The following LRMDA variants were observed in gnomAD, a reference collection of about 807,000 sequenced individuals.
LRMDA encodes the protein leucine rich melanocyte differentiation associated, also known as leucine-rich melanocyte differentiation-associated protein.
In LRMDA, 18 loss-of-function variants were observed where a neutral mutation model predicts 29.8. The observed-to-expected ratio is 0.60, with a 90% CI of 0.42 to 0.90. The LOEUF (loss-of-function observed/expected upper bound fraction) is 0.90. Ranked by LOEUF, LRMDA falls within the 40% of genes least tolerant of loss-of-function variation. The pLI, the probability that LRMDA is intolerant of heterozygous loss-of-function variation, is 0.00. For synonymous variants in LRMDA, 125 were observed against 109.4 expected (o/e 1.14, Z -0.89); for missense variants, 273 against 273.9 (o/e 1.00, Z 0.02).
At chr10:76,087,191 CGTT>C (rs766727127) in intron 5 of LRMDA, among the ~76,000 whole-genome samples, 22 of 152,076 alleles carry the variant, frequency 1.4e-4, no homozygotes, top group African/African-American at 2.9e-4. Context: ...GGGGTAGTCT[CGTT>C]GTAGCAGGGA....
At chr10:75,739,294 C>G (rs969276763) in intron 2 of LRMDA, among the ~76,000 whole-genome samples, 5 of 152,170 alleles carry the variant, frequency 3.3e-5, no homozygotes, top group African/African-American at 1.2e-4. Context: ...AAACCCAGGC[C>G]CAGAGATTGG....
intron 6 of LRMDA, among the ~76,000 whole-genome samples, chr10:76,415,617 T>C (rs914612285): frequency 8.1e-6 from 1 of 123,434 alleles, no homozygotes; most frequent in African/African-American, 2.6e-5. Context: ...TGTGTGTGTG[T>C]GTGTGCGTGT....
At chr10:75,806,809 C>CAA (rs56657815) in intron 2 of LRMDA, among the ~76,000 whole-genome samples, 1,821 of 77,224 alleles carry the variant, frequency 0.024, 38 homozygotes, top group South Asian at 0.058. Flanking sequence ...CTGGAAATTG[C>CAA]AAAAAAAAAA....
chr10:75,994,713 T>G (rs887879343), intron 2 of LRMDA, among the ~76,000 whole-genome samples: 6 of 152,194 alleles, frequency 3.9e-5, no homozygotes, highest in Non-Finnish European at 5.9e-5. Flanking sequence ...AGTCACCGTG[T>G]TTTTTATATA....
At chr10:75,609,719 T>C (rs1841003977) in intron 2 of LRMDA, among the ~76,000 whole-genome samples, 2 of 152,164 alleles carry the variant, frequency 1.3e-5, no homozygotes, top group Non-Finnish European at 2.9e-5. Flanking sequence ...AGTCTTGCAA[T>C]TACAGAGCAT....
chr10:76,242,914 T>C (rs2132287047), intron 5 of LRMDA, among the ~76,000 whole-genome samples: 1 of 152,320 alleles, frequency 6.6e-6, no homozygotes, highest in South Asian at 2.1e-4. Flanking sequence ...AGATATGAGA[T>C]GCTATGTAGT....
rs1181509366 is a variant in LRMDA, at chr10:76,558,977, C to T, written c.*1689C>T. The T allele has an allele frequency of 6.6e-6, 1 of 152,178 alleles. No individual in the cohort carries two copies. Among genetic ancestry groups the T allele is most frequent in the Non-Finnish European group, 1.5e-5 (1 of 68,022 alleles). The allele number at this position is 152,178 out of a possible 1,614,324, so 9.4% of individuals were successfully genotyped here. The stretch of plus-strand genomic sequence containing the variant: ...GTAACTGGATTTGAGTACCTTTTCT[C>T]TGTTTGATCTACAAAACAGCACTGG... On this transcript the variant is annotated 3_prime_UTR_variant, in exon 7 of 7. Transcript: ENST00000611255.
intron 5 of LRMDA, among the ~76,000 whole-genome samples, chr10:76,119,145 C>T (rs1456747752): frequency 1.3e-5 from 2 of 151,414 alleles, no homozygotes; most frequent in African/African-American, 4.9e-5. Context: ...CTTAGCCTGT[C>T]CTGTGTTTGA....
At chr10:75,581,905 T>C (rs1840598045) in intron 2 of LRMDA, among the ~76,000 whole-genome samples, 1 of 152,102 alleles carries the variant, frequency 6.6e-6, no homozygotes, top group South Asian at 2.1e-4. Context: ...GCACATTCTG[T>C]ACATGTACCC....
At chr10:75,510,110 C>G (rs1201914818) in intron 2 of LRMDA, among the ~76,000 whole-genome samples, 1 of 152,198 alleles carries the variant, frequency 6.6e-6, no homozygotes, top group Admixed American at 6.5e-5. Context: ...TTGCATTTCC[C>G]TTTACTTTTG....
intron 6 of LRMDA, among the ~76,000 whole-genome samples, chr10:76,399,186 A>G (rs949847615): frequency 1.3e-5 from 2 of 152,206 alleles, no homozygotes; most frequent in Non-Finnish European, 2.9e-5. Flanking sequence ...TGAAAATACT[A>G]AGAAACAATA....
At chr10:76,249,606 A>C (rs1330339830) in intron 5 of LRMDA, among the ~76,000 whole-genome samples, 2 of 152,200 alleles carry the variant, frequency 1.3e-5, no homozygotes, top group Non-Finnish European at 2.9e-5. Context: ...TGGAAGGAAA[A>C]TATTCACCTT....
At chr10:76,045,996 T>A (rs1041904334) in intron 3 of LRMDA, among the ~76,000 whole-genome samples, 2 of 152,222 alleles carry the variant, frequency 1.3e-5, no homozygotes, top group Non-Finnish European at 2.9e-5. Context: ...TCTCCTAGGT[T>A]CAAGTGGACC....
intron 2 of LRMDA, among the ~76,000 whole-genome samples, chr10:75,701,282 G>A (rs1232562988): frequency 6.6e-6 from 1 of 152,206 alleles, no homozygotes; most frequent in African/African-American, 2.4e-5. Flanking sequence ...CTTCCCTACA[G>A]GGAGTATTGG....
In LRMDA at chr10:75,605,055, C is replaced by A. The variant is rs556160211; in HGVS notation, c.131+166561C>A. 8.5e-5 allele frequency among the ~76,000 whole-genome samples: 13 copies of A among 152,236 alleles called. No homozygotes were observed. In the East Asian group the frequency reaches 9.7e-4, roughly 11 times the overall value. ...TTTGACAAGTAGAAAAGGAGAAATT[C>A]ATTGGGACAACTTGCTTAGTTTCAA... is the stretch of plus-strand genomic sequence containing the variant. On this transcript the variant is annotated intron_variant, in intron 2 of 6. Coordinates refer to ENST00000611255, the MANE Select transcript of LRMDA (RefSeq NM_001305581.2).
At chr10:75,431,842 A>G in intron 1 of LRMDA, 88 bp downstream of exon 1, 1 of 1,201,758 alleles carries the variant, frequency 8.3e-7, no homozygotes, top group Non-Finnish European at 1.1e-6. Context: ...GGGCCTAGAC[A>G]CCCCTGTCCC....
chr10:76,439,274 A>C (rs1302354816), intron 6 of LRMDA, among the ~76,000 whole-genome samples: 1 of 152,156 alleles, frequency 6.6e-6, no homozygotes, highest in Admixed American at 6.5e-5. Flanking sequence ...ATTTCAGGGA[A>C]GGTTTTATGA....
At chr10:76,070,255 G>C (rs554276743) in intron 5 of LRMDA, among the ~76,000 whole-genome samples, 4 of 152,320 alleles carry the variant, frequency 2.6e-5, no homozygotes, top group African/African-American at 7.2e-5. Flanking sequence ...ATTTTGGCTT[G>C]AGATGCTGGG....
At chr10:75,760,045 T>C (rs1261596542) in intron 2 of LRMDA, among the ~76,000 whole-genome samples, 1 of 152,218 alleles carries the variant, frequency 6.6e-6, no homozygotes, top group Non-Finnish European at 1.5e-5. Context: ...AAAGATGTAG[T>C]AAACAGTTGA....
Sources: gnomAD v4.1 joint callset for allele counts (sites outside exome capture counted in the v4.1 genomes callset) on GRCh38, gnomAD v4.1.1 for gene constraint, MANE v1.5 for transcripts, NCBI Gene and HGNC (gene_info 2026-07-23, HGNC 2026-07-21) for gene names.